Variants in VPS13D observed in about 807,000 individuals in gnomAD.
The protein encoded by VPS13D is vacuolar protein sorting 13 homolog D, also known as intermembrane lipid transfer protein VPS13D.
In VPS13D, 187 loss-of-function variants were observed where a neutral mutation model predicts 461.9. The observed-to-expected ratio is 0.40, with a 90% CI of 0.36 to 0.46. The LOEUF is 0.46. Among genes scored for constraint, VPS13D ranks in the 20% least tolerant of loss-of-function variants. The pLI is 0.60. For synonymous variants in VPS13D, 1,951 were observed against 1,986.3 expected (o/e 0.98, Z 0.47); for missense variants, 4,711 against 5,364.9 (o/e 0.88, Z 3.81).
intron 34 of VPS13D, 142 bp downstream of exon 34, chr1:12,322,888 T>G (rs147249841): frequency 1.4e-6 from 1 of 708,934 alleles, no homozygotes; most frequent in East Asian, 2.8e-5. Flanking sequence ...TAAGTATGAC[T>G]CTCTCATTTT....
At chr1:12,349,879 G>T (rs1030818207) in intron 46 of VPS13D, among the ~76,000 whole-genome samples, 23 of 152,230 alleles carry the variant, frequency 1.5e-4, no homozygotes, top group African/African-American at 5.3e-4. Context: ...TTCAGTGTTG[G>T]AAATAATACT....
chr1:12,384,015 A>G (rs1008483913), intron 58 of VPS13D, among the ~76,000 whole-genome samples: 1 of 152,216 alleles, frequency 6.6e-6, no homozygotes, highest in Non-Finnish European at 1.5e-5. Flanking sequence ...GGTTTTTCTA[A>G]GGCAACAAGG....
At position 12,385,262 on chromosome 1, in the gene VPS13D, A is replaced by G. The variant is rs1336022318; in HGVS notation, c.11373A>G (p.Ile3791Met). The change falls in exon 59 of 70, where the codon ATA (isoleucine) becomes ATG (methionine). Residue 3791 changes from isoleucine to methionine, a missense_variant and splice_region_variant. Transcript: ENST00000620676. ...TGTGGTGTTTTATTTGACTTCAGATAACAGATTTCTGCCACCGGAAAAGCA... is the reference window on the plus strand; with the variant it reads ...TGTGGTGTTTTATTTGACTTCAGATGACAGATTTCTGCCACCGGAAAAGCA... ...IPDGPTRALQITDFCHRKSSR... is the reference protein window; with the variant it reads ...IPDGPTRALQMTDFCHRKSSR... The G allele has an allele frequency of 1.2e-6, 2 of 1,613,076 alleles. No individual in the cohort carries two copies. Among genetic ancestry groups the G allele is most frequent in the African/African-American group, 1.3e-5 (1 of 74,890 alleles).
rs139063311 is a variant in VPS13D at position 12,471,509 on chromosome 1, T to C, written c.12662+11113T>C. ...CCTGCTCCCTCAGAGGCAATCACTT[T>C]CAACACTTTGGGCTGTTTCTTCAAT... On this transcript the variant is annotated intron_variant, in intron 67 of 69. Coordinates refer to ENST00000620676, the MANE Select transcript of VPS13D (RefSeq NM_015378.4). Among the ~76,000 whole-genome samples the C allele has an allele frequency of 4.5e-3, 683 of 152,344 alleles. 5 individuals are homozygous for C. The highest frequency in any genetic ancestry group is 0.015 in the African/African-American group (611 of 41,570).
chr1:12,295,421 C>T (rs1314412940), intron 24 of VPS13D, among the ~76,000 whole-genome samples: 1 of 152,092 alleles, frequency 6.6e-6, no homozygotes, highest in Non-Finnish European at 1.5e-5. Context: ...TTTTCTCCAA[C>T]TGTCTAGTTT....
At position 12,348,918 on chromosome 1, in the gene VPS13D, G is replaced by A. The variant is rs746861532; in HGVS notation, c.9165G>A (p.Arg3055=). The A allele has an allele frequency of 6.2e-7, 1 of 1,614,144 alleles. No homozygotes were observed. The highest frequency in any genetic ancestry group is 8.5e-7 in the Non-Finnish European group (1 of 1,180,026). The change falls in exon 45 of 70, where the codon AGG becomes AGA. Residue 3055 remains arginine, a synonymous_variant. Transcript: ENST00000620676. ...VITVRSALIV[R]NRLETPMELR... ...CTGTCCGGTCAGCCCTCATTGTGAG[G>A]AACAGACTTGAGACACCAATGGAAC...
In VPS13D at chr1:12,379,732, T is replaced by C. The variant is rs377181785; in HGVS notation, c.11190+136T>C. ...GAGCAATACTTATTCTATTCCATTT[T>C]AGTTAAAAGGAAGTCAGAGTTTTGT... On this transcript the variant is annotated intron_variant, in intron 57 of 69. Transcript: ENST00000620676. 3.8e-4 allele frequency: 221 copies of C among 580,912 alleles called. No homozygotes were observed. In the East Asian group the frequency reaches 7.0e-3, roughly 18 times the overall value. 36.0% of individuals were successfully genotyped at this position (580,912 alleles called of 1,614,324 possible). A position where few individuals can be genotyped will look rare whatever the true frequency, so the allele number is the denominator to read the frequency against.
chr1:12,242,491 A>G (rs779209142), intron 2 of VPS13D, 22 bp from the exon 3 acceptor site: 38 of 1,607,006 alleles, frequency 2.4e-5, no homozygotes, highest in Non-Finnish European at 3.2e-5. Flanking sequence ...TGGATATTTC[A>G]TGATGCTGTT....
intron 65 of VPS13D, among the ~76,000 whole-genome samples, chr1:12,433,659 C>A (rs1645021606): frequency 6.6e-6 from 1 of 152,174 alleles, no homozygotes; most frequent in African/African-American, 2.4e-5. Context: ...TTCATTCAGG[C>A]CTGTAACACA....
chr1:12,282,992 G>A lies in VPS13D; in HGVS notation c.4890G>A (p.Gln1630=), dbSNP rs1641835724. ...TTTGTATATCAGAGCTTCAGGTTCA[G>A]CTAAGTGGAGATCTGACTTTGGGGG... is the stretch of plus-strand genomic sequence containing the variant. ...ATFCISELQV[Q]LSGDLTLGAQ... The change falls in exon 21 of 70, where the codon CAG becomes CAA. Residue 1630 remains glutamine, a synonymous_variant. Coordinates refer to ENST00000620676, the MANE Select transcript of VPS13D (RefSeq NM_015378.4). 1 of 1,614,178 alleles carries A rather than the reference G, an allele frequency of 6.2e-7. No individual in the cohort carries two copies. The highest frequency in any genetic ancestry group is 8.5e-7 in the Non-Finnish European group (1 of 1,180,016).
At chr1:12,465,419 T>C (rs1222861429) in intron 67 of VPS13D, among the ~76,000 whole-genome samples, 1 of 152,192 alleles carries the variant, frequency 6.6e-6, no homozygotes, top group East Asian at 1.9e-4. Flanking sequence ...TATCTCGTTA[T>C]TTAAGTTAGA....
At position 12,360,283 on chromosome 1, in the gene VPS13D, C is replaced by T. The variant is rs80158480; in HGVS notation, c.10141+1682C>T. Among the ~76,000 whole-genome samples the T allele has an allele frequency of 5.3e-5, 8 of 152,286 alleles. No homozygotes were observed. In the East Asian group the frequency reaches 1.2e-3, roughly 22 times the overall value. The stretch of plus-strand genomic sequence containing the variant: ...CCCACAAGGGAATTTGTGGAATCTC[C>T]TGCTTGAATATTTTGAAGAATAGGA... On this transcript the variant is annotated intron_variant, in intron 50 of 69. Transcript: ENST00000620676.
chr1:12,283,683 G>A lies in VPS13D; in HGVS notation c.5581G>A (p.Ala1861Thr). Residue 1861 changes from alanine (A) to threonine (T), a missense_variant, in exon 21 of 70, where the codon GCC becomes ACC. Physicochemically the swap from Ala to Thr is moderately conservative, Grantham distance 58 (BLOSUM62 0). Coordinates refer to ENST00000620676, the MANE Select transcript of VPS13D (RefSeq NM_015378.4). ...ILHNVKLEPH[A>T]SMESGLQDPV... ...GCACAACGTGAAGTTGGAGCCACATGCCTCCATGGAGTCTGGACTTCAGGA... is the reference window on the plus strand; with the variant it reads ...GCACAACGTGAAGTTGGAGCCACATACCTCCATGGAGTCTGGACTTCAGGA... The A allele has an allele frequency of 1.2e-6, 2 of 1,614,166 alleles. No individual in the cohort carries two copies. Among genetic ancestry groups the A allele is most frequent in the Non-Finnish European group, 1.7e-6 (2 of 1,180,024 alleles).
At position 12,342,892 on chromosome 1, in the gene VPS13D, G is replaced by A; in HGVS notation, c.8733-7G>A. Reference sequence around the variant, plus strand: ...GGACAGGCTGATGTCATCTGATTTGGTTCCAGAGCTGCACTCTCTCACAGT... The same window carrying A: ...GGACAGGCTGATGTCATCTGATTTGATTCCAGAGCTGCACTCTCTCACAGT... On this transcript the variant is annotated splice_polypyrimidine_tract_variant and splice_region_variant and intron_variant, in intron 41 of 69. Transcript: ENST00000620676. The A allele has an allele frequency of 5.0e-6, 8 of 1,606,104 alleles. No homozygotes were observed. The highest frequency in any genetic ancestry group is 6.0e-6 in the Non-Finnish European group (7 of 1,174,132).
At chr1:12,398,499 G>A (rs1644529266) in intron 60 of VPS13D, among the ~76,000 whole-genome samples, 1 of 152,076 alleles carries the variant, frequency 6.6e-6, no homozygotes, top group Non-Finnish European at 1.5e-5. Flanking sequence ...TATGATAGGG[G>A]GTGTGTGGAA....
intron 65 of VPS13D, among the ~76,000 whole-genome samples, chr1:12,427,242 T>TTATTATTA (rs1644934905): frequency 1.2e-4 from 15 of 128,768 alleles, no homozygotes; most frequent in African/African-American, 4.0e-4. Context: ...TTGTCATTAT[T>TTATTATTA]TTATTATTAT....
Position 12,282,729 on chromosome 1 carries a change from G to A in VPS13D, c.4627G>A (p.Glu1543Lys). The A allele has an allele frequency of 1.9e-6, 3 of 1,610,536 alleles. No individual in the cohort carries two copies. In the South Asian group the frequency reaches 3.3e-5, roughly 18 times the overall value. Residue 1543 changes from glutamate to lysine, a missense_variant, in exon 21 of 70, where the codon GAG (glutamate) becomes AAG (lysine). By Grantham distance (56) the Glu-to-Lys change is moderately conservative. This residue lies in a region of VPS13D where 4,411 missense variants were observed against 4,937.8 expected (regional missense o/e 0.89). Transcript: ENST00000620676. The part of the protein sequence containing the change: ...VQVVLAKHVY[E>K]QVLQTLDNLV... ...GGTGGTGTTAGCAAAGCATGTATAT[G>A]AGCAGGTTTTACAAACCCTGGACAA...
chr1:12,311,358 A>G (rs1179414753), intron 27 of VPS13D, 96 bp from the exon 28 acceptor site: 2 of 1,139,812 alleles, frequency 1.8e-6, no homozygotes, highest in Non-Finnish European at 2.4e-6. Context: ...TTGATAATGT[A>G]GGTGAGTACA....
At chr1:12,335,910 A>G (rs751165996) in intron 39 of VPS13D, 83 bp downstream of exon 39, 21 of 1,588,898 alleles carry the variant, frequency 1.3e-5, no homozygotes, top group African/African-American at 1.3e-5. Context: ...AAATGGAACC[A>G]TCATTCTGCG....
Sources: gnomAD v4.1 joint callset for allele counts (sites outside exome capture counted in the v4.1 genomes callset) on GRCh38, gnomAD v4.1.1 for gene constraint, gnomAD v4.1.1 regional missense constraint, MANE v1.5 for transcripts, NCBI Gene and HGNC (gene_info 2026-07-23, HGNC 2026-07-21) for gene names.